Variants in ZNF276 observed in about 807,000 individuals in gnomAD.
ZNF276 encodes zinc finger protein 276, also known as centromere protein Z.
A neutral mutation model predicts 63.9 loss-of-function variants in ZNF276; 59 were observed. The observed-to-expected ratio is 0.92, with a 90% CI of 0.75 to 1.15. The LOEUF (loss-of-function observed/expected upper bound fraction) is 1.15, where lower values mean the gene tolerates loss of function less well. Among genes scored for constraint, ZNF276 ranks in the 50% most tolerant of loss-of-function variants. The pLI is 0.00. For synonymous variants in ZNF276, 496 were observed against 348.4 expected, an observed-to-expected ratio of 1.42 and a Z score of -4.72; for missense variants, 1,084 against 843.8, an observed-to-expected ratio of 1.28 and a Z score of -3.53.
intron 9 of ZNF276, chr16:89,737,571 T>G: frequency 3.1e-6 from 2 of 648,232 alleles, no homozygotes; most frequent in African/African-American, 1.8e-5. Flanking sequence ...CTTTCTGAGG[T>G]TTCTTTAAAA....
Position 89,732,785 on chromosome 16 carries a change from G to A in ZNF276, c.1170-517G>A, listed in dbSNP as rs1227423941. The stretch of plus-strand genomic sequence containing the variant: ...CCTCTGCTGTGTTCACCCTGACCCT[G>A]CTGTACCCTGCGCCCTCACCCTCTG... On this transcript the variant is annotated intron_variant, in intron 6 of 10. Transcript: ENST00000443381. The A allele has an allele frequency of 2.8e-5, 6 of 214,178 alleles. 1 individual carries two copies. The highest frequency in any genetic ancestry group is 5.7e-5 in the Non-Finnish European group (6 of 105,314). 13.3% of individuals were successfully genotyped at this position (214,178 alleles called of 1,614,324 possible).
At chr16:89,735,912 A>C (rs2061858732) in intron 9 of ZNF276, among the ~76,000 whole-genome samples, 2 of 108,348 alleles carry the variant, frequency 1.8e-5, no homozygotes, top group Non-Finnish European at 4.5e-5. Context: ...TGTTTTTTTG[A>C]CTGAGTCTTG....
In ZNF276 at chr16:89,738,078, T is replaced by C; in HGVS notation, c.1677T>C (p.Cys559=). 6.2e-7 allele frequency: 1 copy of C among 1,614,084 alleles called. No homozygotes were observed. Residue 559 remains cysteine, a synonymous_variant, in exon 11 of 11, where the codon TGT becomes TGC. Transcript: ENST00000443381. ...AGCTGGACTTTGCCTGTGACCAGTGTGGCCGGCGGTTTGAGAAGGCCCACA... is the reference window on the plus strand; with the variant it reads ...AGCTGGACTTTGCCTGTGACCAGTGCGGCCGGCGGTTTGAGAAGGCCCACA... ...ETELDFACDQ[C]GRRFEKAHNL... is the part of the protein sequence containing the mutation.
rs745460796 is a variant in ZNF276, at chr16:89,733,910, C to G, written c.1357-11C>G. The G allele has an allele frequency of 1.2e-5, 20 of 1,612,510 alleles. No homozygotes were observed. The Admixed American group carries it at 2.5e-4, about 20-fold the overall frequency. On this transcript the variant is annotated splice_polypyrimidine_tract_variant and intron_variant, in intron 8 of 10. Coordinates refer to ENST00000443381, the MANE Select transcript of ZNF276 (RefSeq NM_001113525.2). ...CGGCTCTGAGGGTCTCTCACCGAGT[C>G]TCTCCTTCAGAAGCACATCAAGGAG...
chr16:89,730,608 GAC>G (rs1430947870), intron 6 of ZNF276, among the ~76,000 whole-genome samples: 2 of 152,192 alleles, frequency 1.3e-5, no homozygotes, highest in African/African-American at 4.8e-5. Flanking sequence ...TTGGAACAGA[GAC>G]ACGGGAGATA....
At chr16:89,731,181 G>T (rs1055987532) in intron 6 of ZNF276, among the ~76,000 whole-genome samples, 3 of 152,250 alleles carry the variant, frequency 2.0e-5, no homozygotes, top group African/African-American at 7.2e-5. Flanking sequence ...CATGTGGCTA[G>T]GTCATGAAAA....
At chr16:89,736,621 G>A (rs978321695) in intron 9 of ZNF276, among the ~76,000 whole-genome samples, 1 of 151,688 alleles carries the variant, frequency 6.6e-6, no homozygotes, top group Non-Finnish European at 1.5e-5. Context: ...GTAAGCCACT[G>A]CACCGGCCCC....
Position 89,739,011 on chromosome 16 carries a change from C to T in ZNF276, c.*765C>T, listed in dbSNP as rs754990688. 8.1e-6 allele frequency: 13 copies of T among 1,613,988 alleles called. No individual in the cohort carries two copies. Among genetic ancestry groups the T allele is most frequent in the Admixed American group, 1.7e-5 (1 of 60,004 alleles). ...ACAGGCAAACTCACAGGTTAGAAGA[C>T]ATACAGAAACAGGGCTGGTGTGTCC... On this transcript the variant is annotated 3_prime_UTR_variant, in exon 11 of 11. Transcript: ENST00000443381.
chr16:89,733,733 G>A (rs937989753), intron 8 of ZNF276, among the ~76,000 whole-genome samples, 176 bp downstream of exon 8: 1 of 152,016 alleles, frequency 6.6e-6, no homozygotes, highest in Non-Finnish European at 1.5e-5. Flanking sequence ...TGTGAGGCCA[G>A]ACTTTCACTT....
In ZNF276 at chr16:89,737,959, C is replaced by T. The variant is rs532231543; in HGVS notation, c.1575-17C>T. ...GGCTGTGGCCCTCGCACCTTCTTAT[C>T]TGCCTCTGTCCCCCAGGTGTGAGGT... On this transcript the variant is annotated splice_polypyrimidine_tract_variant and intron_variant, in intron 10 of 10. Coordinates refer to ENST00000443381, the MANE Select transcript of ZNF276 (RefSeq NM_001113525.2). 1.9e-6 allele frequency: 3 copies of T among 1,614,144 alleles called. No individual in the cohort carries two copies. The highest frequency in any genetic ancestry group is 4.5e-5 in the East Asian group (2 of 44,886).
At chr16:89,723,223 C>G in intron 3 of ZNF276, 37 bp from the exon 4 acceptor site, 1 of 1,613,184 alleles carries the variant, frequency 6.2e-7, no homozygotes. Flanking sequence ...GGGTGCCGAC[C>G]AGCCGTGGAT....
chr16:89,738,527 A>C lies in ZNF276; in HGVS notation c.*281A>C. The stretch of plus-strand genomic sequence containing the variant: ...AGATTTGTAATCCACTTTTTAGTGC[A>C]ACAAGAGCTCCATGTTATGCTTGTA... On this transcript the variant is annotated 3_prime_UTR_variant, in exon 11 of 11. Coordinates refer to ENST00000443381, the MANE Select transcript of ZNF276 (RefSeq NM_001113525.2). The C allele has an allele frequency of 1.2e-6, 2 of 1,604,522 alleles. No individual in the cohort carries two copies. Among genetic ancestry groups the C allele is most frequent in the Non-Finnish European group, 1.7e-6 (2 of 1,173,896 alleles).
At chr16:89,734,082 G>A (rs765852800) in intron 9 of ZNF276, 44 bp downstream of exon 9, 5 of 1,576,366 alleles carry the variant, frequency 3.2e-6, no homozygotes, top group Non-Finnish European at 4.4e-6. Context: ...ACAGCCAGGG[G>A]CACGTGACCT....
In ZNF276 at chr16:89,732,980, C is replaced by T. The variant is rs533272471; in HGVS notation, c.1170-322C>T. ...CTGTGCCCTCCCCCTCTGCTGTGTTCGCCCTGACCCTGCTGTACCCTGCGC... is the reference window on the plus strand; with the variant it reads ...CTGTGCCCTCCCCCTCTGCTGTGTTTGCCCTGACCCTGCTGTACCCTGCGC... On this transcript the variant is annotated intron_variant, in intron 6 of 10. Transcript: ENST00000443381. The T allele has an allele frequency of 7.6e-5, 27 of 357,242 alleles. 1 individual carries two copies. The highest frequency in any genetic ancestry group is 5.4e-4 in the East Asian group (8 of 14,764). The allele number at this position is 357,242 out of a possible 1,614,324, so 22.1% of individuals were successfully genotyped here.
At chr16:89,737,696 A>G in intron 9 of ZNF276, 110 bp from the exon 10 acceptor site, 3 of 1,574,254 alleles carry the variant, frequency 1.9e-6, no homozygotes, top group Non-Finnish European at 2.6e-6. Flanking sequence ...TGCATGGTGA[A>G]CCATGTGCAG....
chr16:89,723,814 G>C lies in ZNF276; in HGVS notation c.1006+105G>C, dbSNP rs2061383624. On this transcript the variant is annotated intron_variant, in intron 4 of 10. Coordinates refer to ENST00000443381, the MANE Select transcript of ZNF276 (RefSeq NM_001113525.2). ...CTCCACTGCTCTAGGTGGTGGCTGG[G>C]GTGTGGTGTGAGAAGGAGCAGAGCT... 8.0e-6 allele frequency: 10 copies of C among 1,249,582 alleles called. No homozygotes were observed. In the Admixed American group the frequency reaches 2.3e-4, roughly 29 times the overall value. 77.4% of individuals were successfully genotyped at this position (1,249,582 alleles called of 1,614,324 possible).
chr16:89,725,088 A>G (rs937723868), intron 4 of ZNF276, among the ~76,000 whole-genome samples: 1 of 150,026 alleles, frequency 6.7e-6, no homozygotes, highest in Non-Finnish European at 1.5e-5. Flanking sequence ...TAATTTTTGT[A>G]TTTTTAGTAG....
intron 9 of ZNF276, among the ~76,000 whole-genome samples, chr16:89,735,504 C>T (rs1378958201): frequency 8.7e-6 from 1 of 114,902 alleles, no homozygotes; most frequent in African/African-American, 4.7e-5. Context: ...CTGATGGCAG[C>T]ACTTCCTTGG....
chr16:89,739,685 G>C lies in ZNF276; in HGVS notation c.*1439G>C. On this transcript the variant is annotated 3_prime_UTR_variant, in exon 11 of 11. Coordinates refer to ENST00000443381, the MANE Select transcript of ZNF276 (RefSeq NM_001113525.2). The stretch of plus-strand genomic sequence containing the variant: ...GGGGATAGTGTGGGGCGAACAGCCT[G>C]AGCTGAGGATACCCAGGTACCTGTC... 2 of 1,513,374 alleles carry C rather than the reference G, an allele frequency of 1.3e-6. No individual in the cohort carries two copies. The highest frequency in any genetic ancestry group is 1.8e-6 in the Non-Finnish European group (2 of 1,122,130). 93.7% of individuals were successfully genotyped at this position (1,513,374 alleles called of 1,614,324 possible). A position where few individuals can be genotyped will look rare whatever the true frequency, so the allele number is the denominator to read the frequency against.
Sources: gnomAD v4.1 joint callset for allele counts (sites outside exome capture counted in the v4.1 genomes callset) on GRCh38, gnomAD v4.1.1 for gene constraint, MANE v1.5 for transcripts, NCBI Gene and HGNC (gene_info 2026-07-23, HGNC 2026-07-21) for gene names.